KCNIP3: variants seen among roughly 807,000 people sequenced by gnomAD.
KCNIP3 encodes the protein potassium voltage-gated channel interacting protein 3.
In KCNIP3, 28 loss-of-function variants were observed where a neutral mutation model predicts 35.0. That is an observed-to-expected ratio of 0.80 (90% CI 0.59 to 1.10). The LOEUF is 1.10. Among genes scored for constraint, KCNIP3 ranks in the 50% least tolerant of loss-of-function variants. The pLI, the probability that KCNIP3 is intolerant of heterozygous loss-of-function variation, is 0.00. For missense variants in KCNIP3, 295 were observed against 338.4 expected, an observed-to-expected ratio of 0.87 and a Z score of 1.01; for synonymous variants, 134 against 133.8, an observed-to-expected ratio of 1.00 and a Z score of -0.01.
At chr2:95,370,414 T>G (rs1175363497) in intron 2 of KCNIP3, among the ~76,000 whole-genome samples, 1 of 152,242 alleles carries the variant, frequency 6.6e-6, no homozygotes, top group Non-Finnish European at 1.5e-5. Context: ...ATAGCTTTTC[T>G]GGGGTTTCAG....
In KCNIP3 at chr2:95,366,630, C is replaced by G. The variant is rs147131446; in HGVS notation, c.182-7666C>G. 1.9e-3 allele frequency among the ~76,000 whole-genome samples: 283 copies of G among 152,318 alleles called. 2 individuals carry two copies. The highest frequency in any genetic ancestry group is 6.6e-3 in the African/African-American group (275 of 41,558). ...TTTCCAGCATGGCAGTACCACTTCT[C>G]TCTCCTGCCAGCAACATATAGTGGT... On this transcript the variant is annotated intron_variant, in intron 2 of 8. Coordinates refer to ENST00000295225, the MANE Select transcript of KCNIP3 (RefSeq NM_013434.5).
intron 2 of KCNIP3, among the ~76,000 whole-genome samples, chr2:95,351,436 G>A (rs1015363947): frequency 6.6e-6 from 1 of 152,222 alleles, no homozygotes; most frequent in Admixed American, 6.5e-5. Context: ...ATTTCCCGGG[G>A]AGAGCTGTTG....
intron 2 of KCNIP3, among the ~76,000 whole-genome samples, chr2:95,323,555 A>G (rs1035847369): frequency 4.6e-5 from 7 of 151,816 alleles, no homozygotes; most frequent in Non-Finnish European, 2.9e-5. Context: ...CTCCTCTTCC[A>G]CCAGGGGGTA....
chr2:95,336,860 G>A (rs762914666), intron 2 of KCNIP3, among the ~76,000 whole-genome samples: 42 of 152,186 alleles, frequency 2.8e-4, no homozygotes, highest in Non-Finnish European at 4.7e-4. Flanking sequence ...AGCCCAGGGT[G>A]TTCACCAGTG....
intron 2 of KCNIP3, among the ~76,000 whole-genome samples, chr2:95,362,915 G>A (rs750865587): frequency 2.0e-5 from 3 of 152,170 alleles, no homozygotes; most frequent in Non-Finnish European, 4.4e-5. Flanking sequence ...CAATCTAGGA[G>A]GTACTGCATT....
intron 2 of KCNIP3, among the ~76,000 whole-genome samples, chr2:95,317,685 C>A (rs182689730): frequency 6.6e-6 from 1 of 152,140 alleles, no homozygotes; most frequent in Non-Finnish European, 1.5e-5. Flanking sequence ...GACAGACAGA[C>A]CAGGAGTGGG....
chr2:95,357,465 TC>T (rs952319897), intron 2 of KCNIP3, among the ~76,000 whole-genome samples: 12 of 152,194 alleles, frequency 7.9e-5, no homozygotes, highest in African/African-American at 2.9e-4. Context: ...AGTGGGCAAT[TC>T]CAGGGCTAAC....
chr2:95,374,336 C>G lies in KCNIP3; in HGVS notation c.222C>G (p.His74Gln). 1 of 1,614,190 alleles carries G rather than the reference C, an allele frequency of 6.2e-7. No homozygotes were observed. The highest frequency in any genetic ancestry group is 8.5e-7 in the Non-Finnish European group (1 of 1,179,996). Residue 74 changes from histidine to glutamine, a missense_variant, in exon 3 of 9, where the codon CAC becomes CAG. Transcript: ENST00000295225. Reference sequence around the variant, plus strand: ...AGCTGGAGCTGTCCACGGTGCGCCACCAGCCAGAGGGGCTGGACCAGCTGC... The same window carrying G: ...AGCTGGAGCTGTCCACGGTGCGCCAGCAGCCAGAGGGGCTGGACCAGCTGC... The part of the protein sequence containing the change: ...DSELELSTVR[H>Q]QPEGLDQLQA...
At chr2:95,342,924 T>C (rs924907709) in intron 2 of KCNIP3, among the ~76,000 whole-genome samples, 1 of 152,096 alleles carries the variant, frequency 6.6e-6, no homozygotes, top group African/African-American at 2.4e-5. Context: ...CAGGCAAACA[T>C]GGCCATTGCT....
chr2:95,374,076 G>A (rs1448870261), intron 2 of KCNIP3, among the ~76,000 whole-genome samples: 1 of 152,248 alleles, frequency 6.6e-6, no homozygotes, highest in Non-Finnish European at 1.5e-5. Context: ...GCGATGGGGA[G>A]GCCCGCCCTG....
chr2:95,304,528 C>T (rs1282465908), intron 1 of KCNIP3, among the ~76,000 whole-genome samples: 1 of 152,086 alleles, frequency 6.6e-6, no homozygotes, highest in African/African-American at 2.4e-5. Flanking sequence ...AGACCTCAGG[C>T]CAAAGCCCCC....
At chr2:95,360,827 C>T (rs1449607959) in intron 2 of KCNIP3, among the ~76,000 whole-genome samples, 1 of 152,216 alleles carries the variant, frequency 6.6e-6, no homozygotes, top group East Asian at 1.9e-4. Context: ...TTAGTCCATT[C>T]GTGAGGGTGG....
chr2:95,366,377 G>C (rs1486125927), intron 2 of KCNIP3, among the ~76,000 whole-genome samples: 1 of 152,112 alleles, frequency 6.6e-6, no homozygotes, highest in African/African-American at 2.4e-5. Context: ...TCAGGAGTTT[G>C]TTCCGTATTG....
intron 1 of KCNIP3, among the ~76,000 whole-genome samples, chr2:95,308,540 A>G (rs1156866137): frequency 6.6e-6 from 1 of 152,078 alleles, no homozygotes; most frequent in Non-Finnish European, 1.5e-5. Flanking sequence ...CACCCAGAGA[A>G]TCCTCCCCCA....
At chr2:95,307,015 GCT>G (rs1016750756) in intron 1 of KCNIP3, among the ~76,000 whole-genome samples, 2 of 152,158 alleles carry the variant, frequency 1.3e-5, no homozygotes, top group African/African-American at 2.4e-5. Context: ...AGCTTCCCAG[GCT>G]CGGCTGCTGG....
chr2:95,347,378 C>T (rs1420446307), intron 2 of KCNIP3, among the ~76,000 whole-genome samples: 1 of 152,204 alleles, frequency 6.6e-6, no homozygotes, highest in African/African-American at 2.4e-5. Flanking sequence ...CAGCTCCTGC[C>T]ATCCTAGGCC....
At chr2:95,310,916 A>G (rs1250597733) in intron 2 of KCNIP3, 8 of 290,324 alleles carry the variant, frequency 2.8e-5, no homozygotes, top group Non-Finnish European at 5.3e-5. Context: ...GAACCTGTCC[A>G]CAGGGCACAT....
At chr2:95,331,507 C>T (rs756452336) in intron 2 of KCNIP3, among the ~76,000 whole-genome samples, 5 of 152,076 alleles carry the variant, frequency 3.3e-5, no homozygotes, top group Admixed American at 6.5e-5. Context: ...AGCACATAGA[C>T]GGATTTGAAG....
chr2:95,297,828 A>G (rs1457388034), intron 1 of KCNIP3, among the ~76,000 whole-genome samples: 3 of 152,154 alleles, frequency 2.0e-5, no homozygotes, highest in Admixed American at 2.0e-4. Context: ...GTCAGGTGCC[A>G]GCGTGGCTGA....
Sources: allele counts gnomAD v4.1 joint callset (sites outside exome capture counted in the v4.1 genomes callset), GRCh38; gene constraint gnomAD v4.1.1; transcripts MANE v1.5; gene names NCBI Gene and HGNC (gene_info 2026-07-23, HGNC 2026-07-21).